The following TNFRSF8 variants were observed in gnomAD, a reference collection of about 807,000 sequenced individuals.
The protein encoded by TNFRSF8 is tumor necrosis factor receptor superfamily member 8.
TNFRSF8 carries 26 observed loss-of-function variants against 70.8 expected under a neutral mutation model. The observed-to-expected ratio is 0.37, with a 90% CI of 0.27 to 0.51. The LOEUF (loss-of-function observed/expected upper bound fraction) is 0.51. Among genes scored for constraint, TNFRSF8 ranks in the 20% least tolerant of loss-of-function variants. The pLI is 0.94. For missense variants in TNFRSF8, 720 were observed against 807.9 expected (o/e 0.89, Z 1.32); for synonymous variants, 356 against 339.2 (o/e 1.05, Z -0.54).
chr1:12,083,875 A>T (rs1641106916), intron 1 of TNFRSF8, among the ~76,000 whole-genome samples: 1 of 152,222 alleles, frequency 6.6e-6, no homozygotes. Flanking sequence ...CTTTATGTAA[A>T]ATCCAAAAGC....
intron 1 of TNFRSF8, among the ~76,000 whole-genome samples, chr1:12,066,901 C>T (rs757967597): frequency 6.6e-6 from 1 of 152,110 alleles, no homozygotes. Context: ...GATCCTCCCA[C>T]CTCGGCATCC....
In TNFRSF8 at chr1:12,110,770, G is replaced by A. The variant is rs888419129; in HGVS notation, c.676+566G>A. On this transcript the variant is annotated intron_variant, in intron 6 of 14. Transcript: ENST00000263932. This position sits in a 1 kb window ranked among gnomAD's most constrained non-coding sequence, Gnocchi z 4.0. ...CCCACCACCACGCCTGGCTAACTTTGTATTTTTAGTAGAGATGGGATTTCA... is the reference window on the plus strand; with the variant it reads ...CCCACCACCACGCCTGGCTAACTTTATATTTTTAGTAGAGATGGGATTTCA... Among the ~76,000 whole-genome samples, 4 of 152,012 alleles carry A rather than the reference G, an allele frequency of 2.6e-5. No homozygotes were observed. The East Asian group carries it at 7.8e-4, about 30-fold the overall frequency.
At chr1:12,086,832 C>A (rs1326680611) in intron 2 of TNFRSF8, among the ~76,000 whole-genome samples, 1 of 151,800 alleles carries the variant, frequency 6.6e-6, no homozygotes, top group African/African-American at 2.4e-5. Context: ...TGCCACCAAT[C>A]CCCCTGGATT....
chr1:12,133,771 G>A (rs1253466162), intron 12 of TNFRSF8, among the ~76,000 whole-genome samples: 1 of 148,174 alleles, frequency 6.7e-6, no homozygotes, highest in African/African-American at 2.5e-5. Context: ...AATTACCCCT[G>A]GCCGGGCAAG....
chr1:12,117,414 G>A (rs1020994735), intron 8 of TNFRSF8, among the ~76,000 whole-genome samples: 4 of 152,134 alleles, frequency 2.6e-5, no homozygotes, highest in African/African-American at 7.2e-5. Context: ...GAACATTGAA[G>A]GAATATCCGG....
At chr1:12,096,071 TATTG>T (rs1346549359) in intron 2 of TNFRSF8, among the ~76,000 whole-genome samples, 1 of 152,232 alleles carries the variant, frequency 6.6e-6, no homozygotes. Context: ...AGATGAGGCT[TATTG>T]GCTGGCATGC....
At chr1:12,126,263 T>A in intron 12 of TNFRSF8, 27 bp downstream of exon 12, 1 of 1,614,022 alleles carries the variant, frequency 6.2e-7, no homozygotes. Context: ...CCAAAGGGGC[T>A]GCCCGAGCCA....
intron 1 of TNFRSF8, among the ~76,000 whole-genome samples, chr1:12,075,990 T>G (rs191738250): frequency 6.6e-6 from 1 of 152,086 alleles, no homozygotes; most frequent in African/African-American, 2.4e-5. Flanking sequence ...ATTCCTAGCC[T>G]GCGAAAAGCT....
chr1:12,121,180 A>G (rs1418340017), intron 8 of TNFRSF8, among the ~76,000 whole-genome samples: 1 of 152,222 alleles, frequency 6.6e-6, no homozygotes, highest in African/African-American at 2.4e-5. Flanking sequence ...CCATCATAAC[A>G]CATCGCATCA....
At chr1:12,122,182 A>G (rs1294388782) in intron 8 of TNFRSF8, among the ~76,000 whole-genome samples, 2 of 151,812 alleles carry the variant, frequency 1.3e-5, no homozygotes, top group African/African-American at 2.4e-5. Flanking sequence ...ACTTAGGGAC[A>G]TTTTCTTTTT....
rs971228126 is a variant in TNFRSF8, at chr1:12,119,870, T to A, written c.947-3414T>A. Among the ~76,000 whole-genome samples the A allele has an allele frequency of 3.3e-5, 5 of 152,310 alleles. No individual in the cohort carries two copies. In the East Asian group the frequency reaches 9.7e-4, roughly 29 times the overall value. On this transcript the variant is annotated intron_variant, in intron 8 of 14. Transcript: ENST00000263932. The surrounding 1 kb of genome is among the most constrained non-coding windows in gnomAD (Gnocchi z 4.4). ...TGTGCTGGTCACATAGTCAGAATGT[T>A]TTTGAGGACTAGTCAAAGCTGGATA... is the stretch of plus-strand genomic sequence containing the variant.
intron 12 of TNFRSF8, 150 bp from the exon 13 acceptor site, chr1:12,135,438 C>T: frequency 9.4e-7 from 1 of 1,060,404 alleles, no homozygotes; most frequent in Non-Finnish European, 1.4e-6. Context: ...ACTCTGAAAC[C>T]CATCGAGGGC....
intron 3 of TNFRSF8, among the ~76,000 whole-genome samples, chr1:12,103,424 A>G (rs1210303929): frequency 1.3e-5 from 2 of 152,074 alleles, no homozygotes; most frequent in Non-Finnish European, 2.9e-5. Flanking sequence ...AACAGAAAAT[A>G]CAGAGTTCCT....
At chr1:12,136,265 A>C (rs564223515) in intron 13 of TNFRSF8, among the ~76,000 whole-genome samples, 1 of 152,320 alleles carries the variant, frequency 6.6e-6, no homozygotes, top group South Asian at 2.1e-4. Context: ...ATACTGAGAA[A>C]TTTCATGAAA....
At chr1:12,128,595 G>A (rs1641986782) in intron 12 of TNFRSF8, among the ~76,000 whole-genome samples, 2 of 152,200 alleles carry the variant, frequency 1.3e-5, no homozygotes, top group African/African-American at 4.8e-5. Context: ...TGGGTGAGCC[G>A]TAGGACGGGG....
chr1:12,123,113 G>A (rs963811162), intron 8 of TNFRSF8, among the ~76,000 whole-genome samples, 171 bp from the exon 9 acceptor site: 1 of 152,244 alleles, frequency 6.6e-6, no homozygotes, highest in Non-Finnish European at 1.5e-5. Context: ...ACAGGTGTGA[G>A]CCAATGTGCC....
In TNFRSF8 at chr1:12,069,291, G is replaced by C. The variant is rs540872696; in HGVS notation, c.63+5630G>C. ...TTTCCCAGGTTCAAGTGATTCTCCT[G>C]CCTCAGCCTCCCAAGTAGCTGGGAT... On this transcript the variant is annotated intron_variant, in intron 1 of 14. Transcript: ENST00000263932. 8.3e-5 allele frequency among the ~76,000 whole-genome samples: 12 copies of C among 144,962 alleles called. No individual in the cohort carries two copies. In the South Asian group the frequency reaches 2.6e-3, roughly 32 times the overall value.
At chr1:12,104,605 A>G (rs772151623) in intron 4 of TNFRSF8, 74 bp downstream of exon 4, 106 of 1,574,640 alleles carry the variant, frequency 6.7e-5, no homozygotes, top group Non-Finnish European at 8.7e-5. Flanking sequence ...ACCCCAGTGC[A>G]CTGTTGACTT....
chr1:12,128,335 C>A (rs1288936228), intron 12 of TNFRSF8, among the ~76,000 whole-genome samples: 1 of 152,204 alleles, frequency 6.6e-6, no homozygotes, highest in Non-Finnish European at 1.5e-5. Context: ...GCAGAGGGTG[C>A]TCTTGGTTCC....
Sources: allele counts gnomAD v4.1 joint callset (sites outside exome capture counted in the v4.1 genomes callset), GRCh38; gene constraint gnomAD v4.1.1; non-coding constraint Gnocchi (gnomAD v3.1); transcripts MANE v1.5; gene names NCBI Gene and HGNC (gene_info 2026-07-23, HGNC 2026-07-21).